Variants in FGF14 observed in about 807,000 individuals in gnomAD.
The protein encoded by FGF14 is fibroblast growth factor 14.
In FGF14, 5 loss-of-function variants were observed where a neutral mutation model predicts 25.5. That is an observed-to-expected ratio of 0.20 (90% confidence interval 0.10 to 0.41). FGF14 has a LOEUF of 0.41. Among genes scored for constraint, FGF14 ranks in the 10% least tolerant of loss-of-function variants. The probability of loss-of-function intolerance (pLI) is 1.00; values close to 1 mark genes in which losing one functional copy is unlikely to be tolerated. For synonymous variants in FGF14, 138 were observed against 118.3 expected, an observed-to-expected ratio of 1.17 and a Z score of -1.08; for missense variants, 222 against 320.1, an observed-to-expected ratio of 0.69 and a Z score of 2.34.
chr13:102,083,928 A>G (rs564596131), intron 1 of FGF14, among the ~76,000 whole-genome samples: 1 of 152,350 alleles, frequency 6.6e-6, no homozygotes, highest in Non-Finnish European at 1.5e-5. Context: ...CATTTTGCTT[A>G]AAGTAAAAGC....
At chr13:102,096,958 T>C (rs151156196) in intron 1 of FGF14, among the ~76,000 whole-genome samples, 66 of 152,216 alleles carry the variant, frequency 4.3e-4, no homozygotes, top group African/African-American at 1.5e-3. Flanking sequence ...TATTTGTACA[T>C]AGTCTGTACT....
intron 1 of FGF14, among the ~76,000 whole-genome samples, chr13:102,358,878 G>C (rs75336339): frequency 0.024 from 3,633 of 152,136 alleles, 152 homozygotes; most frequent in African/African-American, 0.082. Context: ...AGGAAAATGT[G>C]CATCACCACT....
At chr13:102,352,181 T>G (rs2057298928) in intron 1 of FGF14, among the ~76,000 whole-genome samples, 1 of 151,760 alleles carries the variant, frequency 6.6e-6, no homozygotes, top group South Asian at 2.1e-4. Flanking sequence ...TACTGAAAGC[T>G]GCAAGTTTAT....
chr13:102,238,940 A>G (rs757228787), intron 1 of FGF14, among the ~76,000 whole-genome samples: 1 of 152,170 alleles, frequency 6.6e-6, no homozygotes, highest in Non-Finnish European at 1.5e-5. Context: ...GACTGAATAC[A>G]GTTCTGTACA....
At chr13:102,383,948 A>T (rs140786245) in intron 1 of FGF14, among the ~76,000 whole-genome samples, 1 of 152,334 alleles carries the variant, frequency 6.6e-6, no homozygotes, top group Admixed American at 6.5e-5. Context: ...ACCAACTCTC[A>T]TATGTTAAAA....
chr13:101,916,762 G>A lies in FGF14; in HGVS notation c.-117C>T. 2.3e-6 allele frequency: 2 copies of A among 880,832 alleles called. No homozygotes were observed. The highest frequency in any genetic ancestry group is 3.3e-6 in the Non-Finnish European group (2 of 598,208). 54.6% of individuals were successfully genotyped at this position (880,832 alleles called of 1,614,324 possible). On this transcript the variant is annotated 5_prime_UTR_variant, in exon 1 of 5. Coordinates refer to ENST00000376143, the MANE Select transcript of FGF14 (RefSeq NM_004115.4). ...TCGCCCTCGGGGCAGAGGAGGGGGT[G>A]CCAGGCGGGACTGGGGAGAGGGGAA...
At chr13:102,006,063 T>C (rs982374455) in intron 1 of FGF14, among the ~76,000 whole-genome samples, 3 of 152,152 alleles carry the variant, frequency 2.0e-5, no homozygotes, top group African/African-American at 7.2e-5. Flanking sequence ...TCAAATAAAA[T>C]CAGTAAGTAC....
chr13:102,045,200 T>C (rs970094515), intron 1 of FGF14, among the ~76,000 whole-genome samples: 11 of 151,848 alleles, frequency 7.2e-5, no homozygotes, highest in South Asian at 2.1e-4. Flanking sequence ...CACACAGAGG[T>C]AGACTAAGTA....
chr13:102,262,890 C>T (rs575720208), intron 1 of FGF14, among the ~76,000 whole-genome samples: 27 of 152,118 alleles, frequency 1.8e-4, no homozygotes, highest in Non-Finnish European at 3.1e-4. Flanking sequence ...CAAACCAATG[C>T]GTTCATAACA....
At chr13:102,075,251 T>C (rs2043311232) in intron 1 of FGF14, among the ~76,000 whole-genome samples, 1 of 152,164 alleles carries the variant, frequency 6.6e-6, no homozygotes, top group African/African-American at 2.4e-5. Context: ...CATTCAAAAA[T>C]CAGTAGAATT....
At chr13:102,353,248 A>G (rs2057337955) in intron 1 of FGF14, among the ~76,000 whole-genome samples, 1 of 152,190 alleles carries the variant, frequency 6.6e-6, no homozygotes. Flanking sequence ...CTTGCTGTGC[A>G]TTCTCTCTCA....
intron 1 of FGF14, among the ~76,000 whole-genome samples, chr13:102,258,367 C>T (rs1172210851): frequency 2.0e-5 from 3 of 152,038 alleles, no homozygotes; most frequent in Non-Finnish European, 2.9e-5. Flanking sequence ...GGAGGCCAAG[C>T]GACCATGGAG....
At chr13:102,359,538 T>A (rs928092262) in intron 1 of FGF14, among the ~76,000 whole-genome samples, 8 of 152,306 alleles carry the variant, frequency 5.3e-5, no homozygotes, top group African/African-American at 1.9e-4. Context: ...TAACACCAGC[T>A]AAAAGGCAGC....
At chr13:102,059,507 G>T (rs1024546114) in intron 1 of FGF14, among the ~76,000 whole-genome samples, 2 of 152,198 alleles carry the variant, frequency 1.3e-5, no homozygotes, top group African/African-American at 4.8e-5. Flanking sequence ...GAAAATGCAG[G>T]AACTATGCAA....
At position 102,032,201 on chromosome 13, in the gene FGF14, C is replaced by G. The variant is rs540100030; in HGVS notation, c.209-156905G>C. On this transcript the variant is annotated intron_variant, in intron 1 of 4. Coordinates refer to the FGF14 transcript ENST00000376131. ...TATATCCACATTGGAATCAAAATTA[C>G]TGAAATGCAACTGCTTTCAGCCTTT... Among the ~76,000 whole-genome samples, 4 of 152,286 alleles carry G rather than the reference C, an allele frequency of 2.6e-5. No individual in the cohort carries two copies. In the South Asian group the frequency reaches 8.3e-4, roughly 32 times the overall value.
At chr13:102,165,728 T>G (rs1351427482) in intron 1 of FGF14, among the ~76,000 whole-genome samples, 1 of 149,440 alleles carries the variant, frequency 6.7e-6, no homozygotes, top group Non-Finnish European at 1.5e-5. Flanking sequence ...GACGAGTTAA[T>G]GGGTGCAGCA....
chr13:101,994,335 T>A (rs2039068051), intron 1 of FGF14, among the ~76,000 whole-genome samples: 1 of 152,080 alleles, frequency 6.6e-6, no homozygotes, highest in African/African-American at 2.4e-5. Context: ...ATACCTATTT[T>A]ATTTGTTGTA....
chr13:102,137,890 C>A (rs72665327), intron 1 of FGF14, among the ~76,000 whole-genome samples: 27,213 of 149,970 alleles, frequency 0.18, 2,665 homozygotes, highest in Middle Eastern at 0.26. Context: ...CATGGTGACA[C>A]AGGAGGTGGG....
At chr13:102,161,777 G>T (rs1287050719) in intron 1 of FGF14, among the ~76,000 whole-genome samples, 1 of 150,704 alleles carries the variant, frequency 6.6e-6, no homozygotes, top group Non-Finnish European at 1.5e-5. Flanking sequence ...ATGTGGGCAG[G>T]AACTGCTTAA....
Sources: allele counts gnomAD v4.1 joint callset (sites outside exome capture counted in the v4.1 genomes callset), GRCh38; gene constraint gnomAD v4.1.1; transcripts MANE v1.5; gene names NCBI Gene and HGNC (gene_info 2026-07-23, HGNC 2026-07-21).